FNIP1: variants seen among roughly 807,000 people sequenced by gnomAD.
The protein encoded by FNIP1 is folliculin-interacting protein 1.
FNIP1 carries 40 observed loss-of-function variants against 124.5 expected under a neutral mutation model. That is an observed-to-expected ratio of 0.32 (90% CI 0.25 to 0.42). The LOEUF (loss-of-function observed/expected upper bound fraction) is 0.42. FNIP1 is among the 10% of genes least tolerant of loss of function. FNIP1 has a pLI of 1.00. For missense variants in FNIP1, 1,176 were observed against 1,403.7 expected, an observed-to-expected ratio of 0.84 and a Z score of 2.59; for synonymous variants, 472 against 470.6, an observed-to-expected ratio of 1.00 and a Z score of -0.04.
chr5:131,709,038 A>G (rs1262249333), intron 8 of FNIP1, among the ~76,000 whole-genome samples, 163 bp downstream of exon 8: 1 of 152,218 alleles, frequency 6.6e-6, no homozygotes, highest in Non-Finnish European at 1.5e-5. Context: ...AAAAGTAAAC[A>G]TGAAAAATAT....
At chr5:131,732,979 T>C (rs577996709) in intron 2 of FNIP1, among the ~76,000 whole-genome samples, 1 of 152,346 alleles carries the variant, frequency 6.6e-6, no homozygotes, top group East Asian at 1.9e-4. Context: ...TGTTCTTCCA[T>C]TTGTTTGTGT....
Position 131,644,047 on chromosome 5 carries a change from T to C in FNIP1, c.*638A>G, listed in dbSNP as rs866516965. 1.5e-4 allele frequency: 23 copies of C among 152,390 alleles called. No individual in the cohort carries two copies. The highest frequency in any genetic ancestry group is 4.8e-4 in the African/African-American group (20 of 41,562). The allele number at this position is 152,390 out of a possible 1,614,324, so 9.4% of individuals were successfully genotyped here. A position where few individuals can be genotyped will look rare whatever the true frequency, so the allele number is the denominator to read the frequency against. On this transcript the variant is annotated 3_prime_UTR_variant, in exon 18 of 18. Transcript: ENST00000510461. The stretch of plus-strand genomic sequence containing the variant: ...ATAGACAATACTAGTTGAAAATATA[T>C]ATATTTTTAAAGGCATGTTTACCAG...
intron 15 of FNIP1, among the ~76,000 whole-genome samples, chr5:131,657,495 A>G (rs1355064069): frequency 6.6e-6 from 1 of 152,122 alleles, no homozygotes; most frequent in African/African-American, 2.4e-5. Context: ...AAGGACCATT[A>G]AACACAATAT....
chr5:131,683,338 G>T (rs2149520501), intron 11 of FNIP1, among the ~76,000 whole-genome samples: 1 of 151,994 alleles, frequency 6.6e-6, no homozygotes, highest in South Asian at 2.1e-4. Flanking sequence ...CACGAGGTCA[G>T]GAGATTGAGA....
chr5:131,768,141 T>C (rs1771501922), intron 1 of FNIP1, among the ~76,000 whole-genome samples: 1 of 152,184 alleles, frequency 6.6e-6, no homozygotes, highest in Non-Finnish European at 1.5e-5. Context: ...TTCATTTATA[T>C]TTATTGTACA....
At chr5:131,791,804 T>C (rs1480529712) in intron 1 of FNIP1, among the ~76,000 whole-genome samples, 3 of 152,220 alleles carry the variant, frequency 2.0e-5, no homozygotes, top group African/African-American at 7.2e-5. Context: ...AGAATGGCTT[T>C]TATTAAGGAA....
At chr5:131,722,414 C>A (rs984057397) in intron 3 of FNIP1, among the ~76,000 whole-genome samples, 2 of 151,976 alleles carry the variant, frequency 1.3e-5, no homozygotes, top group African/African-American at 2.4e-5. Context: ...TATATAAAAT[C>A]AAAAAATAAA....
Position 131,655,937 on chromosome 5 carries a change from C to CA in FNIP1, c.3109-3939dup, listed in dbSNP as rs531712939. Among the ~76,000 whole-genome samples the CA allele has an allele frequency of 8.3e-3, 1,089 of 131,808 alleles. 10 individuals are homozygous for CA. Among genetic ancestry groups the CA allele is most frequent in the South Asian group, 0.035 (139 of 4,022 alleles). 86.5% of individuals were successfully genotyped at this position (131,808 alleles called of 152,430 possible). ...CATCTCAAAAAACAACAAAACAAAA[C>CA]AAAACAAAAAAAAAACTAATCTCTT... On this transcript the variant is annotated intron_variant, in intron 15 of 17. Coordinates refer to ENST00000510461, the MANE Select transcript of FNIP1 (RefSeq NM_133372.3).
At chr5:131,724,612 G>A (rs561333710) in intron 3 of FNIP1, among the ~76,000 whole-genome samples, 3 of 152,194 alleles carry the variant, frequency 2.0e-5, no homozygotes, top group Admixed American at 6.5e-5. Context: ...TTAGCCCTTT[G>A]TCAGATGGGC....
At chr5:131,766,834 T>A (rs960705376) in intron 1 of FNIP1, among the ~76,000 whole-genome samples, 3 of 152,168 alleles carry the variant, frequency 2.0e-5, no homozygotes, top group Admixed American at 2.0e-4. Flanking sequence ...CAGGACAATG[T>A]TCCAGCTCCA....
intron 2 of FNIP1, among the ~76,000 whole-genome samples, chr5:131,737,181 A>T (rs1770340127): frequency 6.6e-6 from 1 of 152,186 alleles, no homozygotes; most frequent in Non-Finnish European, 1.5e-5. Context: ...CTGTGCTTAC[A>T]TGAGGGATTG....
intron 1 of FNIP1, among the ~76,000 whole-genome samples, chr5:131,778,036 A>G (rs79543512): frequency 1.2e-3 from 186 of 152,286 alleles, no homozygotes; most frequent in African/African-American, 4.0e-3. Flanking sequence ...TCTTAGCACC[A>G]CTAGAAATGT....
chr5:131,663,582 C>T (rs1374778106), intron 15 of FNIP1, among the ~76,000 whole-genome samples: 1 of 152,178 alleles, frequency 6.6e-6, no homozygotes, highest in Non-Finnish European at 1.5e-5. Context: ...TATATTTAGT[C>T]TAAATTTGGC....
intron 6 of FNIP1, 46 bp from the exon 7 acceptor site, chr5:131,710,707 G>T: frequency 6.4e-7 from 1 of 1,559,352 alleles, no homozygotes; most frequent in African/African-American, 1.4e-5. Context: ...GACTGTTAGA[G>T]AAGCCACAAT....
intron 15 of FNIP1, among the ~76,000 whole-genome samples, chr5:131,667,268 G>A (rs1178271548): frequency 6.6e-6 from 1 of 152,036 alleles, no homozygotes; most frequent in African/African-American, 2.4e-5. Context: ...ATATCCCTTG[G>A]AGTACTGGCA....
At position 131,704,021 on chromosome 5, in the gene FNIP1, T is replaced by A. The variant is rs201429929; in HGVS notation, c.1116+44A>T. 377 of 1,452,136 alleles carry A rather than the reference T, an allele frequency of 2.6e-4. 1 individual carries two copies. The East Asian group carries it at 5.5e-3, about 21-fold the overall frequency. The allele number at this position is 1,452,136 out of a possible 1,614,324, so 90.0% of individuals were successfully genotyped here. On this transcript the variant is annotated intron_variant, in intron 10 of 17. Coordinates refer to ENST00000510461, the MANE Select transcript of FNIP1 (RefSeq NM_133372.3). ...TAAATATAATGCTTAATTGGGAGAATAAGATTTTAAAAGGAAAATACATAA... is the reference window on the plus strand; with the variant it reads ...TAAATATAATGCTTAATTGGGAGAAAAAGATTTTAAAAGGAAAATACATAA...
chr5:131,723,121 A>AG (rs1769731460), intron 3 of FNIP1, among the ~76,000 whole-genome samples: 1 of 152,232 alleles, frequency 6.6e-6, no homozygotes, highest in Non-Finnish European at 1.5e-5. Context: ...ACTGAGAACA[A>AG]CATTTCAGAA....
In FNIP1 at chr5:131,710,652, T is replaced by G. The variant is rs1299501697; in HGVS notation, c.632A>C (p.Gln211Pro). The G allele has an allele frequency of 6.2e-7, 1 of 1,613,576 alleles. No homozygotes were observed. The highest frequency in any genetic ancestry group is 8.5e-7 in the Non-Finnish European group (1 of 1,179,914). ...NGLLGNIGLSQFCSPRRAFSE... is the reference protein window; with the variant it reads ...NGLLGNIGLSPFCSPRRAFSE... ...GAATGCCCGCCTGGGGCTGCAGAAC[T>G]GTGAAAGACCTACATGGCAAAAACG... Residue 211 changes from glutamine to proline, a missense_variant, in exon 7 of 18, where the codon CAG (glutamine) becomes CCG (proline). This residue lies in a region of FNIP1 where 1,109 missense variants were observed against 1,288.5 expected (regional missense o/e 0.86). Coordinates refer to ENST00000510461, the MANE Select transcript of FNIP1 (RefSeq NM_133372.3).
rs1768996378 is a variant in FNIP1, at chr5:131,704,164, G to A, written c.1017C>T (p.Ser339=). 6.2e-7 allele frequency: 1 copy of A among 1,612,618 alleles called. No individual in the cohort carries two copies. The highest frequency in any genetic ancestry group is 1.1e-5 in the South Asian group (1 of 91,022). ...KIAIGVIFSL[S]KDEDENNKFN... ...ATTTGTTATTTTCATCTTCATCTTT[G>A]GACAATGAAAAGATTACCCCAATTG... Residue 339 remains serine, a synonymous_variant, in exon 10 of 18, where the codon TCC becomes TCT. Transcript: ENST00000510461.
Sources: allele counts gnomAD v4.1 joint callset (sites outside exome capture counted in the v4.1 genomes callset), GRCh38; gene constraint gnomAD v4.1.1; regional missense constraint gnomAD v4.1.1; transcripts MANE v1.5; gene names NCBI Gene and HGNC (gene_info 2026-07-23, HGNC 2026-07-21).